The following TRANK1 variants were observed in gnomAD, a reference collection of about 807,000 sequenced individuals.
The protein encoded by TRANK1 is TPR and ankyrin repeat-containing protein 1.
In TRANK1, 198 loss-of-function variants were observed where a neutral mutation model predicts 266.0. The ratio of observed to expected loss-of-function variants is 0.74; its 90% CI spans 0.66 to 0.84. TRANK1 has a LOEUF of 0.84. Ranked by LOEUF, TRANK1 falls within the 40% of genes least tolerant of loss-of-function variation. The pLI is 0.00. For missense variants in TRANK1, 3,326 were observed against 3,634.6 expected (o/e 0.92, Z 2.18); for synonymous variants, 1,396 against 1,384.1 (o/e 1.01, Z -0.19).
At chr3:36,935,201 T>C (rs1025918505) in intron 1 of TRANK1, among the ~76,000 whole-genome samples, 8 of 152,158 alleles carry the variant, frequency 5.3e-5, no homozygotes, top group African/African-American at 1.7e-4. Flanking sequence ...CCAAACCTCA[T>C]GGTCTCCCTG....
rs2078721690 is a variant in TRANK1, at chr3:36,833,221, T to C, written c.6362A>G (p.Gln2121Arg). The stretch of plus-strand genomic sequence containing the variant: ...TATCTGGCAATACTTGGCATCCACC[T>C]GGGAAATCCCAAAAAACTCAAAGCA... The part of the protein sequence containing the change: ...KSCFEFFGIS[Q>R]VDAKYCQIAQ... The change falls in exon 22 of 24, where the codon CAG (glutamine) becomes CGG (arginine). Residue 2121 changes from glutamine to arginine, a missense_variant. Physicochemically the swap from Gln to Arg is conservative, Grantham distance 43. Transcript: ENST00000645898. The C allele has an allele frequency of 6.2e-7, 1 of 1,614,032 alleles. No homozygotes were observed. Among genetic ancestry groups the C allele is most frequent in the African/African-American group, 1.3e-5 (1 of 75,048 alleles).
intron 17 of TRANK1, among the ~76,000 whole-genome samples, chr3:36,844,407 A>G (rs939307179): frequency 2.0e-5 from 3 of 152,096 alleles, no homozygotes; most frequent in African/African-American, 7.2e-5. Flanking sequence ...TTGTATTTTT[A>G]GTAGAGATGG....
chr3:36,898,587 C>T (rs943583236), intron 4 of TRANK1, among the ~76,000 whole-genome samples: 7 of 152,168 alleles, frequency 4.6e-5, no homozygotes, highest in Middle Eastern at 3.2e-3. Flanking sequence ...CAGGGTGGCT[C>T]ACACCTGTAA....
chr3:36,944,715 C>T (rs2080548089), intron 1 of TRANK1, 72 bp downstream of exon 1: 8 of 1,485,898 alleles, frequency 5.4e-6, no homozygotes, highest in Non-Finnish European at 4.5e-6. Flanking sequence ...CGCGCGCGGC[C>T]GCCTCCCGCC....
chr3:36,866,052 AAAAGAAAGAAAGAAAGAAAG>A lies in TRANK1; in HGVS notation c.1079-1592_1079-1573del, dbSNP rs56714482. Among the ~76,000 whole-genome samples, 1,144 of 127,876 alleles carry A rather than the reference AAAAGAAAGAAAGAAAGAAAG, an allele frequency of 8.9e-3. 23 individuals are homozygous for A. The highest frequency in any genetic ancestry group is 0.03 in the African/African-American group (1,023 of 34,526). The allele number at this position is 127,876 out of a possible 152,430, so 83.9% of individuals were successfully genotyped here. A position where few individuals can be genotyped will look rare whatever the true frequency, so the allele number is the denominator to read the frequency against. ...AGAGAGAGAGAGACAGACAGAAAGA[AAAAGAAAGAAAGAAAGAAAG>A]AAAGAAAGAAAGAAAGAAAGAAAGA... is the stretch of plus-strand genomic sequence containing the variant. On this transcript the variant is annotated intron_variant, in intron 9 of 23. Transcript: ENST00000645898.
chr3:36,939,234 G>A (rs2080464412), intron 1 of TRANK1, among the ~76,000 whole-genome samples: 1 of 150,076 alleles, frequency 6.7e-6, no homozygotes, highest in Non-Finnish European at 1.5e-5. Context: ...AATAAAGCCT[G>A]AATAGTTCAG....
rs1197024240 is a variant in TRANK1, at chr3:36,831,584, C to T, written c.7999G>A (p.Glu2667Lys). 1.2e-6 allele frequency: 2 copies of T among 1,613,730 alleles called. No homozygotes were observed. The highest frequency in any genetic ancestry group is 1.7e-6 in the Non-Finnish European group (2 of 1,179,742). The change falls in exon 22 of 24, where the codon GAG becomes AAG. Residue 2667 changes from glutamate (E) to lysine (K), a missense_variant. Transcript: ENST00000645898. This position sits in a 1 kb window ranked among gnomAD's most constrained non-coding sequence, Gnocchi z 5.0. Reference sequence around the variant, plus strand: ...CAGAGCAGGCGGTTTAGTCTGACCTCCTCATAATAGAGGCCACGGACTATG... The same window carrying T: ...CAGAGCAGGCGGTTTAGTCTGACCTTCTCATAATAGAGGCCACGGACTATG... ...GSIVRGLYYE[E>K]VRLNRLLCLD...
At chr3:36,905,342 A>G (rs1207490267) in intron 2 of TRANK1, among the ~76,000 whole-genome samples, 1 of 152,008 alleles carries the variant, frequency 6.6e-6, no homozygotes, top group Non-Finnish European at 1.5e-5. Context: ...CAATGTGACA[A>G]TATTTGAACA....
At chr3:36,875,081 GCC>G (rs1315929056) in intron 8 of TRANK1, among the ~76,000 whole-genome samples, 1 of 150,826 alleles carries the variant, frequency 6.6e-6, no homozygotes, top group Non-Finnish European at 1.5e-5. Flanking sequence ...AGAATTCTAA[GCC>G]CCCAAGATTT....
intron 8 of TRANK1, among the ~76,000 whole-genome samples, chr3:36,888,910 G>A (rs983084795): frequency 9.9e-5 from 15 of 152,152 alleles, no homozygotes; most frequent in Admixed American, 3.9e-4. Flanking sequence ...TGGGCATGGC[G>A]GTGTTTGCCT....
chr3:36,887,968 AGT>A (rs1267612607), intron 8 of TRANK1, among the ~76,000 whole-genome samples: 1 of 152,244 alleles, frequency 6.6e-6, no homozygotes, highest in Admixed American at 6.5e-5. Flanking sequence ...GGTTAAACAT[AGT>A]GTTACCATAT....
intron 8 of TRANK1, among the ~76,000 whole-genome samples, chr3:36,886,393 G>A (rs2079606478): frequency 6.6e-6 from 1 of 151,882 alleles, no homozygotes; most frequent in South Asian, 2.1e-4. Context: ...TTACAGGCAT[G>A]AGCCACCACA....
intron 2 of TRANK1, among the ~76,000 whole-genome samples, chr3:36,904,719 G>A (rs1180351412): frequency 6.6e-6 from 1 of 152,090 alleles, no homozygotes; most frequent in Non-Finnish European, 1.5e-5. Context: ...GAAGGGATGA[G>A]GCCCCAGAAG....
chr3:36,887,436 C>T (rs1032938002), intron 8 of TRANK1, among the ~76,000 whole-genome samples: 1 of 152,142 alleles, frequency 6.6e-6, no homozygotes, highest in Non-Finnish European at 1.5e-5. Context: ...TATCTGTATA[C>T]TAAAAATAAA....
intron 9 of TRANK1, 98 bp downstream of exon 9, chr3:36,874,028 G>GTA (rs140670539): frequency 2.2e-3 from 2,058 of 931,148 alleles, no homozygotes; most frequent in Middle Eastern, 2.6e-3. Flanking sequence ...ATATGTGTGT[G>GTA]TATATATATA....
chr3:36,864,525 G>C, intron 9 of TRANK1, 45 bp from the exon 10 acceptor site: 1 of 1,479,578 alleles, frequency 6.8e-7, no homozygotes, highest in Non-Finnish European at 8.9e-7. Flanking sequence ...AGAAATTGCA[G>C]CTGTTACAGA....
chr3:36,862,860 C>G (rs2079160197), intron 10 of TRANK1, among the ~76,000 whole-genome samples: 3 of 152,146 alleles, frequency 2.0e-5, no homozygotes. Context: ...CTCCCTGAAG[C>G]CAGCTGTACT....
intron 7 of TRANK1, among the ~76,000 whole-genome samples, chr3:36,891,194 G>C (rs2079688673): frequency 6.6e-6 from 1 of 152,090 alleles, no homozygotes; most frequent in Non-Finnish European, 1.5e-5. Context: ...ACAAAAATTA[G>C]CCAGGCGTGG....
At chr3:36,840,470 T>TA (rs2078829064) in intron 18 of TRANK1, among the ~76,000 whole-genome samples, 1 of 130,308 alleles carries the variant, frequency 7.7e-6, no homozygotes, top group Admixed American at 7.7e-5. Flanking sequence ...AACTCCTCCC[T>TA]GTATCTGTCC....
Sources: gnomAD v4.1 joint callset for allele counts (sites outside exome capture counted in the v4.1 genomes callset) on GRCh38, gnomAD v4.1.1 for gene constraint, Gnocchi (gnomAD v3.1) non-coding constraint, MANE v1.5 for transcripts, NCBI Gene and HGNC (gene_info 2026-07-23, HGNC 2026-07-21) for gene names.